SH3D19: variants seen among roughly 807,000 people sequenced by gnomAD.
SH3D19 encodes SH3 domain containing 19, also known as SH3 domain-containing protein 19.
In SH3D19, 58 loss-of-function variants were observed where a neutral mutation model predicts 112.1. That is an observed-to-expected ratio of 0.52 (90% CI 0.42 to 0.64). The LOEUF is 0.64. SH3D19 is among the 30% of genes least tolerant of loss of function. The pLI, the probability that SH3D19 is intolerant of heterozygous loss-of-function variation, is 0.00. For missense variants in SH3D19, 1,090 were observed against 1,263.4 expected (o/e 0.86, Z 2.08); for synonymous variants, 391 against 448.5 (o/e 0.87, Z 1.62).
intron 3 of SH3D19, among the ~76,000 whole-genome samples, chr4:151,184,399 C>T (rs1388822295): frequency 2.6e-5 from 4 of 152,160 alleles, no homozygotes; most frequent in Non-Finnish European, 5.9e-5. Context: ...ACAATTGTTA[C>T]TCATTCTGTA....
intron 8 of SH3D19, among the ~76,000 whole-genome samples, chr4:151,163,111 T>C (rs10020317): frequency 0.71 from 108,393 of 152,080 alleles, 43,744 homozygotes; most frequent in Non-Finnish European, 0.91. Context: ...ACACTTGTCA[T>C]CACAACTCAT....
chr4:151,207,904 C>T (rs1354340579), intron 2 of SH3D19, among the ~76,000 whole-genome samples: 3 of 152,180 alleles, frequency 2.0e-5, no homozygotes, highest in Non-Finnish European at 4.4e-5. Flanking sequence ...TTCTGGGTTA[C>T]AGAGACTTGA....
chr4:151,183,978 T>C (rs542208299), intron 3 of SH3D19, among the ~76,000 whole-genome samples: 12 of 152,342 alleles, frequency 7.9e-5, no homozygotes, highest in South Asian at 2.1e-4. Context: ...TATTTTATAA[T>C]GTATGGAAAC....
chr4:151,255,602 G>A (rs566337857), intron 1 of SH3D19, among the ~76,000 whole-genome samples: 1,713 of 151,948 alleles, frequency 0.011, 25 homozygotes, highest in African/African-American at 0.039. Context: ...AGGCAGAGAC[G>A]CTCCTCACTT....
intron 1 of SH3D19, among the ~76,000 whole-genome samples, chr4:151,242,847 G>A (rs949121724): frequency 2.0e-5 from 3 of 152,080 alleles, no homozygotes; most frequent in Middle Eastern, 3.4e-3. Flanking sequence ...TATGATACAT[G>A]GGAAATAAAA....
chr4:151,312,534 T>C (rs1729557925), intron 1 of SH3D19, among the ~76,000 whole-genome samples: 1 of 152,188 alleles, frequency 6.6e-6, no homozygotes, highest in Admixed American at 6.5e-5. Flanking sequence ...ACAGTAGAGA[T>C]AACTGAGGGC....
intron 2 of SH3D19, among the ~76,000 whole-genome samples, chr4:151,213,998 G>C (rs1766442675): frequency 6.6e-6 from 1 of 150,388 alleles, no homozygotes; most frequent in Non-Finnish European, 1.5e-5. Context: ...GGTTTTCCTA[G>C]GCAGAGGACC....
chr4:151,181,184 A>G (rs943697660), intron 3 of SH3D19, among the ~76,000 whole-genome samples: 7 of 152,188 alleles, frequency 4.6e-5, no homozygotes, highest in Non-Finnish European at 1.0e-4. Context: ...GATATAAACT[A>G]TTTTAACCAG....
At chr4:151,236,879 T>TAATCAGCTCTCTGTAAAATGGACC (rs1296296419) in intron 1 of SH3D19, among the ~76,000 whole-genome samples, 3 of 152,302 alleles carry the variant, frequency 2.0e-5, no homozygotes, top group Admixed American at 6.5e-5. Context: ...TAAAACGGAC[T>TAATCAGCTCTCTGTAAAATGGACC]AATCAGCTCT....
At chr4:151,177,239 T>C (rs1312712968) in intron 4 of SH3D19, among the ~76,000 whole-genome samples, 1 of 152,194 alleles carries the variant, frequency 6.6e-6, no homozygotes, top group Non-Finnish European at 1.5e-5. Context: ...AAGAACTAAG[T>C]AAGGCCTATA....
At chr4:151,127,333 T>G (rs969072021) in intron 19 of SH3D19, among the ~76,000 whole-genome samples, 3 of 152,222 alleles carry the variant, frequency 2.0e-5, no homozygotes, top group Non-Finnish European at 4.4e-5. Flanking sequence ...CTAATATTAC[T>G]GAGATCTGAT....
chr4:151,290,926 T>A (rs1394122197), intron 1 of SH3D19, among the ~76,000 whole-genome samples: 1 of 152,248 alleles, frequency 6.6e-6, no homozygotes, highest in Non-Finnish European at 1.5e-5. Context: ...CTAAGGTCTC[T>A]GACAATTTCA....
chr4:151,155,094 C>T (rs547681203), intron 9 of SH3D19, among the ~76,000 whole-genome samples: 24 of 152,260 alleles, frequency 1.6e-4, no homozygotes, highest in African/African-American at 5.5e-4. Context: ...TTACAAAGTC[C>T]ATTACATATG....
rs1201064670 is a variant in SH3D19, at chr4:151,121,822, C to T, written c.*269G>A. On this transcript the variant is annotated 3_prime_UTR_variant, in exon 20 of 20. Coordinates refer to ENST00000604030, the MANE Select transcript of SH3D19 (RefSeq NM_001378122.1). ...TGTGAGCCTCCCCATGCTGCCATGC[C>T]ACCAGATGCTTTCCCTTCACCTTGC... 6 of 276,402 alleles carry T rather than the reference C, an allele frequency of 2.2e-5. No homozygotes were observed. The allele number at this position is 276,402 out of a possible 1,614,324, so 17.1% of individuals were successfully genotyped here.
rs1328200577 is a variant in SH3D19 at position 151,132,394 on chromosome 4, A to C, written c.2690-11T>G. On this transcript the variant is annotated splice_polypyrimidine_tract_variant and intron_variant, in intron 16 of 19. Coordinates refer to ENST00000604030, the MANE Select transcript of SH3D19 (RefSeq NM_001378122.1). ...GTGGTACCTTTGTGCCTACATTAAA[A>C]AAACAAACAAACACAAGAAGTCAGA... 3 of 1,612,542 alleles carry C rather than the reference A, an allele frequency of 1.9e-6. No homozygotes were observed. The highest frequency in any genetic ancestry group is 4.5e-5 in the East Asian group (2 of 44,890).
intron 1 of SH3D19, chr4:151,227,878 TACAACACACAAGAG>T (rs1368768220): frequency 7.3e-5 from 72 of 985,248 alleles, no homozygotes; most frequent in Admixed American, 1.2e-4. Flanking sequence ...TTCCTAGTGG[TACAACACACAAGAG>T]GAAGGGAGAA....
At chr4:151,250,848 C>T (rs1026011558) in intron 1 of SH3D19, among the ~76,000 whole-genome samples, 2 of 152,258 alleles carry the variant, frequency 1.3e-5, no homozygotes, top group East Asian at 3.9e-4. Context: ...AAATGGAAAC[C>T]TGCGGCCCAA....
At chr4:151,166,344 G>A (rs931782301) in intron 7 of SH3D19, 1 of 152,212 alleles carries the variant, frequency 6.6e-6, no homozygotes, top group Admixed American at 6.5e-5. Context: ...TGCAGTGGTT[G>A]TCATTGAAAG....
intron 12 of SH3D19, chr4:151,141,003 T>G (rs1044274775): frequency 2.0e-5 from 3 of 152,264 alleles, no homozygotes; most frequent in Non-Finnish European, 4.4e-5. Context: ...TAATGGCTAA[T>G]GTAGCTTACT....
Sources: gnomAD v4.1 joint callset for allele counts (sites outside exome capture counted in the v4.1 genomes callset) on GRCh38, gnomAD v4.1.1 for gene constraint, MANE v1.5 for transcripts, NCBI Gene and HGNC (gene_info 2026-07-23, HGNC 2026-07-21) for gene names.